The following NWD2 variants were observed in gnomAD, a reference collection of about 807,000 sequenced individuals.
The protein encoded by NWD2 is NACHT and WD repeat domain-containing protein 2.
NWD2 carries 37 observed loss-of-function variants against 132.7 expected under a neutral mutation model. The ratio of observed to expected loss-of-function variants is 0.28; its 90% CI spans 0.21 to 0.37. The LOEUF is 0.37. NWD2 is among the 10% of genes least tolerant of loss of function. NWD2 has a pLI of 1.00. For synonymous variants in NWD2, 705 were observed against 803.0 expected, an observed-to-expected ratio of 0.88 and a Z score of 2.06; for missense variants, 1,592 against 2,122.4, an observed-to-expected ratio of 0.75 and a Z score of 4.91.
intron 3 of NWD2, among the ~76,000 whole-genome samples, chr4:37,393,189 C>T (rs562020735): frequency 1.2e-3 from 7 of 5,726 alleles, no homozygotes; most frequent in East Asian, 7.5e-3. Context: ...AGGAAACATC[C>T]GGGGGTTGGG....
intron 2 of NWD2, among the ~76,000 whole-genome samples, chr4:37,343,656 TTGAGA>T (rs1223971914): frequency 6.6e-6 from 1 of 152,216 alleles, no homozygotes; most frequent in Admixed American, 6.5e-5. Flanking sequence ...CCATTTTGCA[TTGAGA>T]TATTATTCTA....
chr4:37,328,460 G>C (rs990531135), intron 2 of NWD2, among the ~76,000 whole-genome samples: 1 of 150,622 alleles, frequency 6.6e-6, no homozygotes, highest in Non-Finnish European at 1.5e-5. Context: ...TGTTCTCATT[G>C]TTCAATGCCC....
At chr4:37,327,239 C>T (rs1453025206) in intron 2 of NWD2, among the ~76,000 whole-genome samples, 3 of 152,080 alleles carry the variant, frequency 2.0e-5, no homozygotes, top group African/African-American at 7.2e-5. Flanking sequence ...GTTTTTGCAT[C>T]ATTTTTGTCA....
intron 2 of NWD2, among the ~76,000 whole-genome samples, chr4:37,327,457 A>G (rs1221891841): frequency 6.6e-6 from 1 of 152,168 alleles, no homozygotes; most frequent in African/African-American, 2.4e-5. Context: ...TCAGCTGAGG[A>G]GATGTTGGAC....
At chr4:37,305,522 G>A (rs1472291799) in intron 1 of NWD2, among the ~76,000 whole-genome samples, 2 of 152,096 alleles carry the variant, frequency 1.3e-5, no homozygotes, top group Non-Finnish European at 2.9e-5. Flanking sequence ...CGTTCTTTCT[G>A]TACCTAATTT....
chr4:37,322,550 G>A (rs1230154868), intron 1 of NWD2, among the ~76,000 whole-genome samples: 2 of 152,140 alleles, frequency 1.3e-5, no homozygotes, highest in Admixed American at 1.3e-4. Flanking sequence ...GGGAGAGAGA[G>A]AACACTCATC....
At chr4:37,341,778 C>T (rs1719532443) in intron 2 of NWD2, among the ~76,000 whole-genome samples, 1 of 152,086 alleles carries the variant, frequency 6.6e-6, no homozygotes. Context: ...ATAGTTTTAC[C>T]TATTTCATAA....
At chr4:37,258,140 C>T (rs1717557032) in intron 1 of NWD2, among the ~76,000 whole-genome samples, 1 of 152,238 alleles carries the variant, frequency 6.6e-6, no homozygotes, top group East Asian at 1.9e-4. Flanking sequence ...TTCCAAAGAG[C>T]CTGTGGTTCC....
intron 2 of NWD2, among the ~76,000 whole-genome samples, chr4:37,347,653 T>G (rs2109297270): frequency 6.6e-6 from 1 of 152,344 alleles, no homozygotes; most frequent in South Asian, 2.1e-4. Context: ...GCTATTATTG[T>G]TATCCCTGTT....
chr4:37,381,631 T>C (rs1030999642), intron 3 of NWD2, among the ~76,000 whole-genome samples: 2 of 152,302 alleles, frequency 1.3e-5, no homozygotes, highest in East Asian at 3.9e-4. Flanking sequence ...ATTATGAAAT[T>C]AATACCAAAG....
At chr4:37,423,089 A>G (rs1214547398) in intron 3 of NWD2, among the ~76,000 whole-genome samples, 1 of 152,170 alleles carries the variant, frequency 6.6e-6, no homozygotes, top group Non-Finnish European at 1.5e-5. Context: ...GAATGAAAAT[A>G]CTTAATGTGC....
At chr4:37,251,166 C>G (rs944771897) in intron 1 of NWD2, among the ~76,000 whole-genome samples, 1 of 152,110 alleles carries the variant, frequency 6.6e-6, no homozygotes, top group African/African-American at 2.4e-5. Flanking sequence ...GTAATCCCAG[C>G]TACTTGGGAG....
chr4:37,358,979 C>T lies in NWD2; in HGVS notation c.357+2497C>T, dbSNP rs551747621. ...AGCCAGATTTGGGAAGCATAACCCACTATGGGAGTGTCCTGGGAAACCTCA... is the reference window on the plus strand; with the variant it reads ...AGCCAGATTTGGGAAGCATAACCCATTATGGGAGTGTCCTGGGAAACCTCA... On this transcript the variant is annotated intron_variant, in intron 3 of 6. Coordinates refer to ENST00000309447, the MANE Select transcript of NWD2 (RefSeq NM_001144990.2). 3.9e-5 allele frequency among the ~76,000 whole-genome samples: 6 copies of T among 152,264 alleles called. 1 individual carries two copies. Among genetic ancestry groups the T allele is most frequent in the African/African-American group, 1.4e-4 (6 of 41,546 alleles).
intron 2 of NWD2, among the ~76,000 whole-genome samples, chr4:37,350,659 T>C (rs545015654): frequency 6.6e-6 from 1 of 152,102 alleles, no homozygotes; most frequent in South Asian, 2.1e-4. Context: ...TCTCTTCTTA[T>C]CTGAATACCC....
intron 3 of NWD2, among the ~76,000 whole-genome samples, chr4:37,370,164 C>T (rs538726255): frequency 7.8e-4 from 118 of 152,198 alleles, no homozygotes; most frequent in Middle Eastern, 3.4e-3. Context: ...ATCTTGTTTA[C>T]GCATGATATC....
chr4:37,396,344 C>T (rs1720791323), intron 3 of NWD2, among the ~76,000 whole-genome samples: 1 of 152,180 alleles, frequency 6.6e-6, no homozygotes, highest in Non-Finnish European at 1.5e-5. Context: ...GATGAAGTCC[C>T]TTTAAGATGG....
At chr4:37,274,897 A>ACT (rs148377676) in intron 1 of NWD2, among the ~76,000 whole-genome samples, 128,581 of 151,466 alleles carry the variant, frequency 0.85, 55,153 homozygotes, top group African/African-American at 0.95. Context: ...CATGCTAAAA[A>ACT]CTCAATAAAT....
chr4:37,258,889 A>T lies in NWD2; in HGVS notation c.151+13671A>T, dbSNP rs1042103247. On this transcript the variant is annotated intron_variant, in intron 1 of 6. Coordinates refer to ENST00000309447, the MANE Select transcript of NWD2 (RefSeq NM_001144990.2). Reference sequence around the variant, plus strand: ...AATTAGTCTTAACTATGTCAAGGGAAAAGATGGATTTCACTTTTGCTGATA... The same window carrying T: ...AATTAGTCTTAACTATGTCAAGGGATAAGATGGATTTCACTTTTGCTGATA... Among the ~76,000 whole-genome samples the T allele has an allele frequency of 4.6e-5, 7 of 152,300 alleles. 1 individual carries two copies. The South Asian group carries it at 8.3e-4, about 18-fold the overall frequency.
intron 3 of NWD2, among the ~76,000 whole-genome samples, chr4:37,410,070 C>T (rs924103331): frequency 6.6e-6 from 1 of 152,168 alleles, no homozygotes; most frequent in Non-Finnish European, 1.5e-5. Flanking sequence ...TTGTAAAGAA[C>T]ATCAACACTG....
Sources: allele counts gnomAD v4.1 joint callset (sites outside exome capture counted in the v4.1 genomes callset), GRCh38; gene constraint gnomAD v4.1.1; transcripts MANE v1.5; gene names NCBI Gene and HGNC (gene_info 2026-07-23, HGNC 2026-07-21).